JARID2: variants seen among roughly 807,000 people sequenced by gnomAD.
The protein encoded by JARID2 is jumonji and AT-rich interaction domain containing 2, also known as protein Jumonji.
JARID2 carries 21 observed loss-of-function variants against 125.6 expected under a neutral mutation model. The observed-to-expected ratio is 0.17, with a 90% CI of 0.12 to 0.24. JARID2 has a LOEUF of 0.24. JARID2 is among the 10% of genes least tolerant of loss of function. JARID2 has a pLI of 1.00. For synonymous variants in JARID2, 736 were observed against 661.6 expected, an observed-to-expected ratio of 1.11 and a Z score of -1.73; for missense variants, 1,303 against 1,639.6, an observed-to-expected ratio of 0.79 and a Z score of 3.55.
chr6:15,281,303 CTT>C (rs909570552), intron 1 of JARID2, among the ~76,000 whole-genome samples: 1 of 152,222 alleles, frequency 6.6e-6, no homozygotes, highest in African/African-American at 2.4e-5. Context: ...GTGTCTCACT[CTT>C]TACTGCAGTT....
intron 17 of JARID2, 129 bp downstream of exon 17, chr6:15,517,397 G>A: frequency 1.5e-6 from 1 of 672,468 alleles, no homozygotes; most frequent in Non-Finnish European, 2.6e-6. Context: ...GGCCTGAGGT[G>A]CCCTGTTCTT....
rs774736422 is a variant in JARID2 at position 15,503,073 on chromosome 6, C to T, written c.2449-1427C>T. Among the ~76,000 whole-genome samples the T allele has an allele frequency of 2.0e-5, 3 of 152,376 alleles. No individual in the cohort carries two copies. The East Asian group carries it at 5.8e-4, about 29-fold the overall frequency. ...GGTTTGGATTTGTTTAAATCCACCC[C>T]GTCAAGGGTATTTCTAGATTTCATC... On this transcript the variant is annotated intron_variant, in intron 8 of 17. Coordinates refer to ENST00000341776, the MANE Select transcript of JARID2 (RefSeq NM_004973.4).
intron 1 of JARID2, among the ~76,000 whole-genome samples, chr6:15,322,197 G>A (rs927917738): frequency 1.3e-5 from 2 of 152,204 alleles, no homozygotes; most frequent in Non-Finnish European, 2.9e-5. Flanking sequence ...TATCCAAACA[G>A]GCATGTAGAA....
intron 2 of JARID2, among the ~76,000 whole-genome samples, chr6:15,381,201 A>C (rs1764569761): frequency 6.6e-6 from 1 of 151,466 alleles, no homozygotes; most frequent in Non-Finnish European, 1.5e-5. Flanking sequence ...AAAATACAAA[A>C]AAAAAAAATT....
intron 2 of JARID2, among the ~76,000 whole-genome samples, chr6:15,374,596 G>A (rs1051653732): frequency 6.6e-6 from 1 of 152,214 alleles, no homozygotes; most frequent in African/African-American, 2.4e-5. Flanking sequence ...TCCCCGGGTT[G>A]TATAGGAAAT....
intron 5 of JARID2, among the ~76,000 whole-genome samples, chr6:15,480,110 T>TG (rs1769538985): frequency 6.6e-6 from 1 of 152,246 alleles, no homozygotes; most frequent in African/African-American, 2.4e-5. Context: ...AAACTTGCGG[T>TG]GGATCTCTTT....
In JARID2 at chr6:15,521,071, TAA is replaced by T. The variant is rs34405141; in HGVS notation, c.*839_*840del. 1.2e-4 allele frequency: 14 copies of T among 115,932 alleles called. No homozygotes were observed. The highest frequency in any genetic ancestry group is 3.1e-4 in the South Asian group (1 of 3,246). 7.2% of individuals were successfully genotyped at this position (115,932 alleles called of 1,614,324 possible). A position where few individuals can be genotyped will look rare whatever the true frequency, so the allele number is the denominator to read the frequency against. On this transcript the variant is annotated 3_prime_UTR_variant, in exon 18 of 18. Coordinates refer to ENST00000341776, the MANE Select transcript of JARID2 (RefSeq NM_004973.4). Reference sequence around the variant, plus strand: ...ACCCTTCAATAGCATCCTTAAGATTTAAAAAAAAAAAAAAAAAAAAGGAAAAA... The same window carrying T: ...ACCCTTCAATAGCATCCTTAAGATTTAAAAAAAAAAAAAAAAAAGGAAAAA...
At chr6:15,433,574 A>C (rs1258608253) in intron 3 of JARID2, among the ~76,000 whole-genome samples, 3 of 152,076 alleles carry the variant, frequency 2.0e-5, no homozygotes, top group African/African-American at 7.2e-5. Flanking sequence ...TTAATCTTGG[A>C]TTTCCTTTGT....
intron 1 of JARID2, among the ~76,000 whole-genome samples, chr6:15,267,156 G>A (rs1180004746): frequency 6.6e-6 from 1 of 152,166 alleles, no homozygotes. Flanking sequence ...GAGAGATGGT[G>A]AATTCAACAC....
At chr6:15,285,106 G>GTTTTTTTTTTGT (rs1760943549) in intron 1 of JARID2, among the ~76,000 whole-genome samples, 1 of 119,460 alleles carries the variant, frequency 8.4e-6, no homozygotes, top group African/African-American at 3.3e-5. Context: ...GTCTTTCTGG[G>GTTTTTTTTTTGT]TTTTTTTTTT....
At chr6:15,491,101 T>C (rs1770128479) in intron 6 of JARID2, among the ~76,000 whole-genome samples, 1 of 152,254 alleles carries the variant, frequency 6.6e-6, no homozygotes. Context: ...AATATTCTTT[T>C]AAAGTTCTGG....
intron 14 of JARID2, 128 bp downstream of exon 14, chr6:15,512,518 T>C: frequency 1.1e-6 from 1 of 907,474 alleles, no homozygotes; most frequent in Non-Finnish European, 1.7e-6. Flanking sequence ...AATATGTCTT[T>C]GAAATTCTTA....
At position 15,519,751 on chromosome 6, in the gene JARID2, G is replaced by A. The variant is rs777654285; in HGVS notation, c.3559-318G>A. 3.0e-4 allele frequency among the ~76,000 whole-genome samples: 46 copies of A among 152,178 alleles called. 1 individual carries two copies. Among genetic ancestry groups the A allele is most frequent in the Admixed American group, 4.6e-4 (7 of 15,288 alleles). ...ATCCAGGATGTAACAAAGCCCCTGG[G>A]TCTCTTTGCTGAGTGCTCCGTGGTA... is the stretch of plus-strand genomic sequence containing the variant. On this transcript the variant is annotated intron_variant, in intron 17 of 17. Coordinates refer to ENST00000341776, the MANE Select transcript of JARID2 (RefSeq NM_004973.4).
chr6:15,322,430 T>A (rs1762391441), intron 1 of JARID2, among the ~76,000 whole-genome samples: 1 of 152,238 alleles, frequency 6.6e-6, no homozygotes, highest in Admixed American at 6.5e-5. Context: ...TCACCCAGTG[T>A]GTTTTGTCTG....
intron 1 of JARID2, chr6:15,248,713 C>G (rs923684847): frequency 1.2e-5 from 2 of 164,254 alleles, no homozygotes; most frequent in Non-Finnish European, 2.5e-5. Context: ...CTCGGTTCCC[C>G]GACGCTCCCG....
chr6:15,412,183 G>T (rs1765906129), intron 3 of JARID2, among the ~76,000 whole-genome samples: 1 of 152,186 alleles, frequency 6.6e-6, no homozygotes, highest in South Asian at 2.1e-4. Flanking sequence ...TCTCATCAAG[G>T]TTTTATGTGG....
In JARID2 at chr6:15,520,124, G is replaced by A. The variant is rs2127778349; in HGVS notation, c.3614G>A (p.Gly1205Asp). The A allele has an allele frequency of 6.2e-7, 1 of 1,613,842 alleles. No individual in the cohort carries two copies. Among genetic ancestry groups the A allele is most frequent in the Middle Eastern group, 1.7e-4 (1 of 6,058 alleles). ...QICGKVSGKN[G>D]SIENCLSKPT... ...TGCGGCAAAGTGTCTGGTAAAAACG[G>A]CAGCATTGAGAACTGTCTCAGTAAA... Residue 1205 changes from glycine to aspartate, a missense_variant, in exon 18 of 18, where the codon GGC (glycine) becomes GAC (aspartate). By Grantham distance (94) the Gly-to-Asp change is moderately conservative (BLOSUM62 -1). Transcript: ENST00000341776.
chr6:15,379,412 G>A (rs941847583), intron 2 of JARID2, among the ~76,000 whole-genome samples: 1 of 152,166 alleles, frequency 6.6e-6, no homozygotes, highest in Admixed American at 6.5e-5. Context: ...TGAGACCTTG[G>A]CCACTCTTTG....
chr6:15,490,674 G>T (rs530706247), intron 6 of JARID2, among the ~76,000 whole-genome samples: 6 of 152,248 alleles, frequency 3.9e-5, no homozygotes, highest in Non-Finnish European at 8.8e-5. Context: ...TATGGTAAGG[G>T]TCTCACCAAG....
Sources: allele counts gnomAD v4.1 joint callset (sites outside exome capture counted in the v4.1 genomes callset), GRCh38; gene constraint gnomAD v4.1.1; transcripts MANE v1.5; gene names NCBI Gene and HGNC (gene_info 2026-07-23, HGNC 2026-07-21).